INPP5D: variants seen among roughly 807,000 people sequenced by gnomAD.
The protein encoded by INPP5D is phosphatidylinositol 3,4,5-trisphosphate 5-phosphatase 1.
In INPP5D, 33 loss-of-function variants were observed where a neutral mutation model predicts 122.9. The ratio of observed to expected loss-of-function variants is 0.27; its 90% confidence interval spans 0.20 to 0.36. INPP5D has a LOEUF of 0.36. Among genes scored for constraint, INPP5D ranks in the 10% least tolerant of loss-of-function variants. The pLI is 1.00. For missense variants in INPP5D, 1,053 were observed against 1,412.7 expected, an observed-to-expected ratio of 0.75 and a Z score of 4.08; for synonymous variants, 584 against 576.2, an observed-to-expected ratio of 1.01 and a Z score of -0.19.
chr2:233,089,640 T>G (rs7581229), intron 2 of INPP5D, among the ~76,000 whole-genome samples: 3,987 of 152,322 alleles, frequency 0.026, 159 homozygotes, highest in African/African-American at 0.086. Context: ...CCAAGTCCAG[T>G]GAGCGTTATA....
chr2:233,190,854 T>C (rs1005153187), intron 22 of INPP5D, among the ~76,000 whole-genome samples: 1 of 152,136 alleles, frequency 6.6e-6, no homozygotes, highest in East Asian at 1.9e-4. Flanking sequence ...CCGAGGGCAG[T>C]AGGGAGCCAT....
chr2:233,118,758 C>A (rs915231376), intron 2 of INPP5D, among the ~76,000 whole-genome samples: 1 of 152,236 alleles, frequency 6.6e-6, no homozygotes, highest in Admixed American at 6.5e-5. Context: ...GCTTTCCCCT[C>A]GGAGGGGGAG....
At chr2:233,135,036 G>A (rs1035688615) in intron 5 of INPP5D, among the ~76,000 whole-genome samples, 1 of 151,974 alleles carries the variant, frequency 6.6e-6, no homozygotes, top group African/African-American at 2.4e-5. Context: ...ACCTGTAGCT[G>A]GCAGGATATG....
At chr2:233,079,311 A>G (rs1691609220) in intron 1 of INPP5D, 24 bp from the exon 2 acceptor site, 2 of 1,499,452 alleles carry the variant, frequency 1.3e-6, no homozygotes, top group Non-Finnish European at 1.9e-6. Context: ...CATGGGTTCT[A>G]ATAAAGTCTT....
chr2:233,176,315 C>CGGTG (rs1694623635), intron 17 of INPP5D, among the ~76,000 whole-genome samples: 1 of 20,646 alleles, frequency 4.8e-5, no homozygotes, highest in Non-Finnish European at 1.8e-4. Flanking sequence ...TGGATGGGTG[C>CGGTG]GATGGATGGA....
At chr2:233,081,079 G>A (rs902294226) in intron 2 of INPP5D, among the ~76,000 whole-genome samples, 1 of 152,322 alleles carries the variant, frequency 6.6e-6, no homozygotes, top group South Asian at 2.1e-4. Context: ...GGCCTAGGGC[G>A]CCCGCAGGTT....
At chr2:233,169,970 C>A in intron 14 of INPP5D, 56 bp from the exon 15 acceptor site, 1 of 1,610,366 alleles carries the variant, frequency 6.2e-7, no homozygotes, top group Non-Finnish European at 8.5e-7. Context: ...CTTCCTGCCA[C>A]AGTGGAGGGG....
At chr2:233,159,479 C>T (rs1694142135) in intron 10 of INPP5D, among the ~76,000 whole-genome samples, 2 of 151,330 alleles carry the variant, frequency 1.3e-5, no homozygotes, top group South Asian at 4.2e-4. Context: ...GGGACGGTTG[C>T]CCGAGACCAA....
chr2:233,145,872 A>T (rs1193579010), intron 6 of INPP5D: 2 of 578,880 alleles, frequency 3.5e-6, no homozygotes, highest in African/African-American at 3.7e-5. Flanking sequence ...GTAACATGCA[A>T]GGACAGTCCT....
intron 22 of INPP5D, among the ~76,000 whole-genome samples, chr2:233,191,690 G>A (rs1015592437): frequency 4.6e-5 from 7 of 152,186 alleles, no homozygotes; most frequent in African/African-American, 2.4e-5. Flanking sequence ...CTTGGTGAGC[G>A]CAGTGTCCGT....
In INPP5D at chr2:233,189,749, AC is replaced by A; in HGVS notation, c.2359-100del. The A allele has an allele frequency of 3.3e-6, 5 of 1,517,430 alleles. No individual in the cohort carries two copies. The highest frequency in any genetic ancestry group is 2.3e-5 in the East Asian group (1 of 43,414). The allele number at this position is 1,517,430 out of a possible 1,614,324, so 94.0% of individuals were successfully genotyped here. ...GGACAGCAGAGATTTAGATCTGATTACTAAGAACACCTTTCGTCATCTTCAT... is the reference window on the plus strand; with the variant it reads ...GGACAGCAGAGATTTAGATCTGATTATAAGAACACCTTTCGTCATCTTCAT... On this transcript the variant is annotated intron_variant, in intron 21 of 26. Transcript: ENST00000445964. The surrounding 1 kb of genome is among the most constrained non-coding windows in gnomAD (Gnocchi z 5.6).
Position 233,170,750 on chromosome 2 carries a change from C to CA in INPP5D, c.1900+152dup, listed in dbSNP as rs1348929848. On this transcript the variant is annotated intron_variant, in intron 16 of 26. Coordinates refer to ENST00000445964, the MANE Select transcript of INPP5D (RefSeq NM_001017915.3). This position sits in a 1 kb window ranked among gnomAD's most constrained non-coding sequence, Gnocchi z 4.5. Reference sequence around the variant, plus strand: ...AACCCCGTCTCTACTTAAAAAAATACAAAAAATTAGCCGGGTGTGGTGGCG... The same window carrying CA: ...AACCCCGTCTCTACTTAAAAAAATACAAAAAAATTAGCCGGGTGTGGTGGCG... 8.0e-7 allele frequency: 1 copy of CA among 1,245,496 alleles called. No individual in the cohort carries two copies. Among genetic ancestry groups the CA allele is most frequent in the African/African-American group, 1.5e-5 (1 of 65,566 alleles). 77.2% of individuals were successfully genotyped at this position (1,245,496 alleles called of 1,614,324 possible). A position where few individuals can be genotyped will look rare whatever the true frequency, so the allele number is the denominator to read the frequency against.
chr2:233,191,214 AAGG>A (rs997744392), intron 22 of INPP5D, among the ~76,000 whole-genome samples: 1 of 152,318 alleles, frequency 6.6e-6, no homozygotes, highest in Non-Finnish European at 1.5e-5. Flanking sequence ...TGATGGCAGG[AAGG>A]AGAAGTGGGT....
At chr2:233,077,442 C>T (rs923997531) in intron 1 of INPP5D, among the ~76,000 whole-genome samples, 1 of 152,040 alleles carries the variant, frequency 6.6e-6, no homozygotes, top group African/African-American at 2.4e-5. Flanking sequence ...GGGTGGATCA[C>T]CTGAGGTCAG....
intron 5 of INPP5D, among the ~76,000 whole-genome samples, chr2:233,132,424 G>C (rs761644696): frequency 6.6e-6 from 1 of 152,104 alleles, no homozygotes; most frequent in Non-Finnish European, 1.5e-5. Context: ...TCTTCTTCTC[G>C]GGTATGTAGT....
chr2:233,203,814 G>C (rs942612979), intron 25 of INPP5D, among the ~76,000 whole-genome samples: 2 of 148,640 alleles, frequency 1.3e-5, no homozygotes, highest in Admixed American at 1.3e-4. Context: ...GCTACTCCCA[G>C]CTACTCCCAA....
chr2:233,130,675 A>T (rs749452829), intron 5 of INPP5D, 27 bp downstream of exon 5: 89 of 1,612,964 alleles, frequency 5.5e-5, no homozygotes, highest in Non-Finnish European at 7.5e-5. Flanking sequence ...GGGGGCGGGC[A>T]GGTGGGGGCG....
chr2:233,068,914 C>T (rs1180813532), intron 1 of INPP5D, among the ~76,000 whole-genome samples: 1 of 152,116 alleles, frequency 6.6e-6, no homozygotes, highest in African/African-American at 2.4e-5. Flanking sequence ...CACAGAGGCA[C>T]ACAGAGTGAA....
At chr2:233,159,818 C>T (rs1387657672) in intron 10 of INPP5D, among the ~76,000 whole-genome samples, 1 of 152,122 alleles carries the variant, frequency 6.6e-6, no homozygotes, top group Non-Finnish European at 1.5e-5. Flanking sequence ...TGCAGGCCCA[C>T]AGTGATAGCT....
Sources: allele counts gnomAD v4.1 joint callset (sites outside exome capture counted in the v4.1 genomes callset), GRCh38; gene constraint gnomAD v4.1.1; non-coding constraint Gnocchi (gnomAD v3.1); transcripts MANE v1.5; gene names NCBI Gene and HGNC (gene_info 2026-07-23, HGNC 2026-07-21).